The following PCYT1B variants were observed in gnomAD, a reference collection of about 807,000 sequenced individuals.
PCYT1B encodes the protein choline-phosphate cytidylyltransferase B.
A neutral mutation model predicts 26.4 loss-of-function variants in PCYT1B; 10 were observed. The ratio of observed to expected loss-of-function variants is 0.38; its 90% CI spans 0.23 to 0.64. The LOEUF (loss-of-function observed/expected upper bound fraction) is 0.64. Among genes scored for constraint, PCYT1B ranks in the 30% least tolerant of loss-of-function variants. The pLI is 0.56. For synonymous variants in PCYT1B, 131 were observed against 108.4 expected (o/e 1.21, Z -1.29); for missense variants, 161 against 292.7 (o/e 0.55, Z 3.28).
At chrX:24,619,236 T>C in intron 1 of PCYT1B, 152 bp from the exon 2 acceptor site, 1 of 454,430 alleles carries the variant, frequency 2.2e-6, no homozygotes, top group Non-Finnish European at 4.0e-6. Context: ...CTGTTAGACA[T>C]AAAAATAGGG....
At chrX:24,617,329 A>G (rs1278992886) in intron 2 of PCYT1B, among the ~76,000 whole-genome samples, 4 of 107,158 alleles carry the variant, frequency 3.7e-5, no homozygotes, top group Non-Finnish European at 7.7e-5. Flanking sequence ...TGTTAAGCAA[A>G]CTGTTCTTCA....
chrX:24,612,149 C>T (rs1233516246), intron 2 of PCYT1B, among the ~76,000 whole-genome samples: 1 of 112,325 alleles, frequency 8.9e-6, no homozygotes, highest in Non-Finnish European at 1.9e-5. Flanking sequence ...TGAGGGTGGC[C>T]TCTGGCCGAC....
chrX:24,669,837 T>C (rs1164172846), intron 1 of PCYT1B, among the ~76,000 whole-genome samples: 1 of 107,156 alleles, frequency 9.3e-6, no homozygotes, highest in African/African-American at 3.4e-5. Flanking sequence ...AGGCCAGGAG[T>C]TCAAGACCAG....
chrX:24,589,966 T>C, intron 4 of PCYT1B, 57 bp downstream of exon 4: 1 of 1,015,186 alleles, frequency 9.9e-7, no homozygotes, highest in South Asian at 2.3e-5. Flanking sequence ...TAGTCTTGGC[T>C]GCAGAACCAG....
Position 24,647,228 on chromosome X carries a change from C to G in PCYT1B, c.-123G>C. ...CACCCATCCCCCCGCTTCTTCTCCCCTTCTTTCTGTCTTCCCTAGGGGAAG... is the reference window on the plus strand; with the variant it reads ...CACCCATCCCCCCGCTTCTTCTCCCGTTCTTTCTGTCTTCCCTAGGGGAAG... On this transcript the variant is annotated 5_prime_UTR_variant, in exon 1 of 8. Transcript: ENST00000379144. The G allele has an allele frequency of 9.5e-7, 1 of 1,048,866 alleles. No homozygotes were observed. The highest frequency in any genetic ancestry group is 2.6e-5 in the South Asian group (1 of 38,583). 86.4% of individuals were successfully genotyped at this position (1,048,866 alleles called of 1,213,427 possible). A position where few individuals can be genotyped will look rare whatever the true frequency, so the allele number is the denominator to read the frequency against.
At chrX:24,565,784 C>CAAAA (rs141453106) in intron 7 of PCYT1B, among the ~76,000 whole-genome samples, 91 of 77,550 alleles carry the variant, frequency 1.2e-3, no homozygotes, top group African/African-American at 4.0e-3. Context: ...TTCTGTACCT[C>CAAAA]AAAAAAAAAA....
intron 1 of PCYT1B, among the ~76,000 whole-genome samples, chrX:24,637,491 A>AAAAATATATATATATATATATATATAT: frequency 3.8e-5 from 2 of 52,892 alleles, no homozygotes; most frequent in African/African-American, 1.5e-4. Flanking sequence ...AAAAAAAAAA[A>AAAAATATATATATATATATATATATAT]ATATATATAT....
At chrX:24,636,010 C>G (rs73626823) in intron 1 of PCYT1B, among the ~76,000 whole-genome samples, 260 of 111,230 alleles carry the variant, frequency 2.3e-3, no homozygotes, top group African/African-American at 8.2e-3. Context: ...TTGGGGGCCA[C>G]GGATTTTAAT....
intron 3 of PCYT1B, among the ~76,000 whole-genome samples, chrX:24,590,642 GAGAC>G (rs1161022509): frequency 2.2e-4 from 24 of 110,803 alleles, no homozygotes; most frequent in Non-Finnish European, 2.6e-4. Flanking sequence ...ACCCAAGTGT[GAGAC>G]AGACAGACAG....
At chrX:24,624,204 C>T (rs1445468742) in intron 1 of PCYT1B, among the ~76,000 whole-genome samples, 5 of 110,618 alleles carry the variant, frequency 4.5e-5, no homozygotes, top group South Asian at 3.9e-4. Context: ...CTCCTGACCT[C>T]GTGATCCGCC....
intron 1 of PCYT1B, among the ~76,000 whole-genome samples, chrX:24,659,867 ATT>A (rs1926993391): frequency 8.9e-6 from 1 of 111,856 alleles, no homozygotes; most frequent in Non-Finnish European, 1.9e-5. Context: ...CTAATCACCT[ATT>A]ATTAGACACT....
At chrX:24,632,425 G>C (rs1379559753) in intron 1 of PCYT1B, 1 of 156,180 alleles carries the variant, frequency 6.4e-6, no homozygotes, top group South Asian at 1.7e-4. Flanking sequence ...GAAGGCCATG[G>C]GCATCATGAA....
intron 5 of PCYT1B, among the ~76,000 whole-genome samples, chrX:24,580,069 G>A (rs892830993): frequency 8.9e-6 from 1 of 112,146 alleles, no homozygotes; most frequent in Admixed American, 9.5e-5. Context: ...CAGCTACTTC[G>A]GAGACTAAAG....
upstream of PCYT1B, among the ~76,000 whole-genome samples, chrX:24,649,097 T>C (rs928892777): frequency 1.8e-5 from 2 of 110,743 alleles, no homozygotes; most frequent in African/African-American, 6.6e-5. Context: ...AACTCCAGTG[T>C]TGTGAGAATT....
chrX:24,672,704 A>T (rs1013209249), upstream of PCYT1B: 11 of 874,894 alleles, frequency 1.3e-5, no homozygotes, highest in African/African-American at 2.2e-4. Context: ...ACAGGATGAA[A>T]TTTTTGTTGC....
chrX:24,603,551 T>A (rs1184422948), intron 3 of PCYT1B, among the ~76,000 whole-genome samples: 1 of 111,035 alleles, frequency 9.0e-6, no homozygotes, highest in East Asian at 2.8e-4. Context: ...ATCCCATCTC[T>A]ACAATAAACA....
At chrX:24,588,795 C>T (rs1924456852) in intron 4 of PCYT1B, among the ~76,000 whole-genome samples, 1 of 111,670 alleles carries the variant, frequency 9.0e-6, no homozygotes, top group South Asian at 3.8e-4. Flanking sequence ...CCAAATGTTC[C>T]TCAGGGCAAA....
chrX:24,568,323 A>G (rs754373821), intron 7 of PCYT1B, among the ~76,000 whole-genome samples: 10 of 111,596 alleles, frequency 9.0e-5, no homozygotes, highest in African/African-American at 2.9e-4. Context: ...GCTTGAGTCC[A>G]GGAGTTCGAG....
At chrX:24,581,341 AG>A (rs1371496535) in intron 5 of PCYT1B, among the ~76,000 whole-genome samples, 1 of 111,168 alleles carries the variant, frequency 9.0e-6, no homozygotes, top group East Asian at 2.9e-4. Flanking sequence ...ATACAACTGC[AG>A]GGGGGGACTG....
Sources: gnomAD v4.1 joint callset for allele counts (sites outside exome capture counted in the v4.1 genomes callset) on GRCh38, gnomAD v4.1.1 for gene constraint, MANE v1.5 for transcripts, NCBI Gene and HGNC (gene_info 2026-07-23, HGNC 2026-07-21) for gene names.